The following PCDH9 variants were observed in gnomAD, a reference collection of about 807,000 sequenced individuals.
PCDH9 encodes the protein protocadherin 9.
A neutral mutation model predicts 70.6 loss-of-function variants in PCDH9; 24 were observed. The ratio of observed to expected loss-of-function variants is 0.34; its 90% CI spans 0.25 to 0.48. PCDH9 has a LOEUF of 0.48. Ranked by LOEUF, PCDH9 falls within the 20% of genes least tolerant of loss-of-function variation. PCDH9 has a pLI of 0.99. For missense variants in PCDH9, 1,281 were observed against 1,503.6 expected, an observed-to-expected ratio of 0.85 and a Z score of 2.45; for synonymous variants, 562 against 558.5, an observed-to-expected ratio of 1.01 and a Z score of -0.09.
chr13:67,098,956 T>G (rs1180341358), intron 2 of PCDH9, among the ~76,000 whole-genome samples: 1 of 152,134 alleles, frequency 6.6e-6, no homozygotes, highest in Non-Finnish European at 1.5e-5. Context: ...TACAAAGTAT[T>G]TGCAATAAAG....
intron 3 of PCDH9, among the ~76,000 whole-genome samples, chr13:66,648,240 G>T (rs1439840735): frequency 6.6e-6 from 1 of 152,226 alleles, no homozygotes; most frequent in Non-Finnish European, 1.5e-5. Flanking sequence ...GTTACTGCAG[G>T]CTGGGGGTGA....
intron 2 of PCDH9, among the ~76,000 whole-genome samples, chr13:67,020,191 A>G (rs915929950): frequency 4.0e-5 from 6 of 150,482 alleles, no homozygotes; most frequent in Non-Finnish European, 5.9e-5. Flanking sequence ...ATCTATGGGG[A>G]AAAAAAGCAA....
intron 4 of PCDH9, among the ~76,000 whole-genome samples, chr13:66,578,310 A>C (rs1336785023): frequency 6.6e-6 from 1 of 152,118 alleles, no homozygotes; most frequent in Non-Finnish European, 1.5e-5. Flanking sequence ...AGTTTTCAAC[A>C]GTGAGAACTG....
intron 2 of PCDH9, among the ~76,000 whole-genome samples, chr13:66,909,630 G>A (rs1052403855): frequency 4.6e-5 from 7 of 151,978 alleles, no homozygotes; most frequent in East Asian, 1.9e-4. Context: ...TTAGCCGGGC[G>A]TGGTGGCGGG....
At chr13:66,921,250 A>T (rs562981785) in intron 2 of PCDH9, among the ~76,000 whole-genome samples, 1 of 151,348 alleles carries the variant, frequency 6.6e-6, no homozygotes, top group South Asian at 2.1e-4. Flanking sequence ...AATAAATTAT[A>T]AATATTGAAT....
chr13:66,380,696 A>T (rs1422363738), intron 4 of PCDH9, among the ~76,000 whole-genome samples: 1 of 151,884 alleles, frequency 6.6e-6, no homozygotes, highest in African/African-American at 2.4e-5. Flanking sequence ...GGCGCCCGCC[A>T]CCACGCCCGG....
chr13:66,348,615 G>C (rs1277628163), intron 4 of PCDH9, among the ~76,000 whole-genome samples: 1 of 150,364 alleles, frequency 6.7e-6, no homozygotes, highest in Non-Finnish European at 1.5e-5. Context: ...GTCTCAAAAA[G>C]AAACTTTCTC....
intron 2 of PCDH9, among the ~76,000 whole-genome samples, chr13:67,095,439 T>A (rs1169376595): frequency 6.6e-6 from 1 of 152,172 alleles, no homozygotes; most frequent in African/African-American, 2.4e-5. Flanking sequence ...TACGTTTATG[T>A]GGGTAAAATT....
chr13:66,974,701 A>T (rs2083584599), intron 2 of PCDH9, among the ~76,000 whole-genome samples: 1 of 152,028 alleles, frequency 6.6e-6, no homozygotes, highest in Admixed American at 6.6e-5. Context: ...CTAGTTTCAA[A>T]CAATTGAGCT....
intron 3 of PCDH9, among the ~76,000 whole-genome samples, chr13:66,724,131 T>C (rs1338531585): frequency 1.3e-5 from 2 of 152,230 alleles, no homozygotes; most frequent in East Asian, 3.9e-4. Flanking sequence ...ATTTACTGAT[T>C]CTTTCCAAAT....
intron 3 of PCDH9, among the ~76,000 whole-genome samples, chr13:66,759,869 T>C (rs1031278321): frequency 5.9e-5 from 9 of 152,192 alleles, no homozygotes; most frequent in African/African-American, 1.4e-4. Flanking sequence ...CTAAAGATAT[T>C]AGAGATTTAC....
chr13:66,793,296 C>CT (rs1278468765), intron 3 of PCDH9, among the ~76,000 whole-genome samples: 2 of 152,098 alleles, frequency 1.3e-5, no homozygotes, highest in African/African-American at 2.4e-5. Context: ...AGGCTAGTGT[C>CT]TTTATTCAAC....
chr13:67,221,091 T>C (rs1043418124), intron 2 of PCDH9: 4 of 152,234 alleles, frequency 2.6e-5, no homozygotes, highest in East Asian at 1.9e-4. Flanking sequence ...GATAACATTT[T>C]AAAAACAATT....
intron 3 of PCDH9, among the ~76,000 whole-genome samples, chr13:66,840,120 C>T (rs1400615491): frequency 6.6e-6 from 1 of 152,048 alleles, no homozygotes; most frequent in African/African-American, 2.4e-5. Context: ...CCACAATAGT[C>T]AAGCCACTGA....
rs1956719619 is a variant in PCDH9, at chr13:66,374,751, T to C, written c.3341-69723A>G. On this transcript the variant is annotated intron_variant, in intron 4 of 4. Transcript: ENST00000377865. ...TCAGAAAGATCGCAGCTCAGGGGTATTTCACATTCTAAACTTAAACTGTCA... is the reference window on the plus strand; with the variant it reads ...TCAGAAAGATCGCAGCTCAGGGGTACTTCACATTCTAAACTTAAACTGTCA... Among the ~76,000 whole-genome samples the C allele has an allele frequency of 2.0e-5, 3 of 152,150 alleles. No individual in the cohort carries two copies. In the South Asian group the frequency reaches 6.2e-4, roughly 32 times the overall value.
intron 3 of PCDH9, among the ~76,000 whole-genome samples, chr13:66,879,520 C>A (rs939285635): frequency 3.3e-5 from 5 of 152,090 alleles, no homozygotes; most frequent in Non-Finnish European, 7.4e-5. Context: ...TGGACATACA[C>A]ACACATCATT....
At chr13:66,492,917 TC>T (rs1261099234) in intron 4 of PCDH9, among the ~76,000 whole-genome samples, 1 of 152,190 alleles carries the variant, frequency 6.6e-6, no homozygotes, top group Non-Finnish European at 1.5e-5. Flanking sequence ...CTAAGTGCGA[TC>T]CTGGGACTTT....
At chr13:66,600,178 C>G (rs767466729) in intron 4 of PCDH9, among the ~76,000 whole-genome samples, 1 of 151,856 alleles carries the variant, frequency 6.6e-6, no homozygotes, top group Non-Finnish European at 1.5e-5. Flanking sequence ...ATTAGACAAA[C>G]AGACCAAGAA....
In PCDH9 at chr13:66,555,859, A is replaced by T. The variant is rs535988249; in HGVS notation, c.3340+75351T>A. ...ACCATGAAATTTTAAAAAACTCTAG[A>T]TAATCGGTACTACAGTCACTATTGA... On this transcript the variant is annotated intron_variant, in intron 4 of 4. Coordinates refer to ENST00000377865, the MANE Select transcript of PCDH9 (RefSeq NM_203487.3). 3.3e-5 allele frequency among the ~76,000 whole-genome samples: 5 copies of T among 149,792 alleles called. No individual in the cohort carries two copies. The East Asian group carries it at 9.7e-4, about 29-fold the overall frequency.
Sources: gnomAD v4.1 joint callset for allele counts (sites outside exome capture counted in the v4.1 genomes callset) on GRCh38, gnomAD v4.1.1 for gene constraint, MANE v1.5 for transcripts, NCBI Gene and HGNC (gene_info 2026-07-23, HGNC 2026-07-21) for gene names.